Variants in NAALADL2 observed in about 807,000 individuals in gnomAD.
NAALADL2 encodes the protein inactive N-acetylated-alpha-linked acidic dipeptidase-like protein 2.
Under a neutral mutation model 87.2 loss-of-function variants are expected in NAALADL2, and 76 were observed. The ratio of observed to expected loss-of-function variants is 0.87; its 90% CI spans 0.72 to 1.05. The LOEUF (loss-of-function observed/expected upper bound fraction) is 1.05, where lower values mean the gene tolerates loss of function less well. Among genes scored for constraint, NAALADL2 ranks in the 50% least tolerant of loss-of-function variants. NAALADL2 has a pLI of 0.00. For missense variants in NAALADL2, 1,089 were observed against 945.8 expected (o/e 1.15, Z -1.99); for synonymous variants, 354 against 331.0 (o/e 1.07, Z -0.75).
chr3:174,612,263 G>T (rs772577703), intron 2 of NAALADL2, among the ~76,000 whole-genome samples: 1 of 151,904 alleles, frequency 6.6e-6, no homozygotes, highest in Non-Finnish European at 1.5e-5. Flanking sequence ...ATGTCTTGAG[G>T]TATTGTTCTT....
intron 1 of NAALADL2, among the ~76,000 whole-genome samples, chr3:174,912,008 C>G (rs982146395): frequency 6.6e-6 from 1 of 152,174 alleles, no homozygotes; most frequent in East Asian, 1.9e-4. Flanking sequence ...TGTTTATTTT[C>G]CCATTATAAC....
intron 2 of NAALADL2, among the ~76,000 whole-genome samples, chr3:174,713,359 G>C (rs1209544909): frequency 6.6e-6 from 1 of 152,152 alleles, no homozygotes; most frequent in Non-Finnish European, 1.5e-5. Flanking sequence ...TCTAGTTCTA[G>C]ATCCCTGAGG....
chr3:174,641,442 C>T (rs1312704205), intron 2 of NAALADL2, among the ~76,000 whole-genome samples: 3 of 152,212 alleles, frequency 2.0e-5, no homozygotes, highest in South Asian at 4.1e-4. Flanking sequence ...TGGTGAAAAT[C>T]GATGCAGAAT....
At chr3:174,971,156 A>G (rs1042351232) in intron 1 of NAALADL2, among the ~76,000 whole-genome samples, 5 of 152,162 alleles carry the variant, frequency 3.3e-5, no homozygotes, top group African/African-American at 1.2e-4. Context: ...ACTGGCCCCC[A>G]TAATTCAATT....
At chr3:175,081,582 T>C (rs1197184664) in intron 1 of NAALADL2, among the ~76,000 whole-genome samples, 1 of 152,162 alleles carries the variant, frequency 6.6e-6, no homozygotes, top group Non-Finnish European at 1.5e-5. Context: ...AATATGTACC[T>C]TTTTCTCCAT....
chr3:175,764,354 C>A (rs192234452), intron 13 of NAALADL2, among the ~76,000 whole-genome samples: 4 of 151,922 alleles, frequency 2.6e-5, no homozygotes, highest in Non-Finnish European at 5.9e-5. Flanking sequence ...GAGAGCACAG[C>A]CCATTTGTAA....
intron 1 of NAALADL2, among the ~76,000 whole-genome samples, chr3:174,929,556 A>G (rs1480434448): frequency 6.6e-6 from 1 of 152,190 alleles, no homozygotes; most frequent in African/African-American, 2.4e-5. Context: ...ATACAATACT[A>G]TAATTATATG....
chr3:174,880,838 A>G (rs993393694), intron 1 of NAALADL2, among the ~76,000 whole-genome samples: 5 of 152,158 alleles, frequency 3.3e-5, no homozygotes, highest in African/African-American at 1.2e-4. Flanking sequence ...TCTGAAACCA[A>G]GGTATTGATT....
chr3:174,569,774 T>C (rs1297490066), intron 2 of NAALADL2, among the ~76,000 whole-genome samples: 1 of 152,196 alleles, frequency 6.6e-6, no homozygotes, highest in Non-Finnish European at 1.5e-5. Context: ...ATGCTTTAAG[T>C]ATTCAAGGAT....
At chr3:175,042,143 G>C (rs1216879562) in intron 1 of NAALADL2, among the ~76,000 whole-genome samples, 2 of 152,002 alleles carry the variant, frequency 1.3e-5, no homozygotes, top group East Asian at 3.9e-4. Flanking sequence ...ACTTTTTTTA[G>C]ATTCCACATA....
chr3:174,856,829 A>G (rs1346124550), upstream of NAALADL2, among the ~76,000 whole-genome samples: 1 of 152,150 alleles, frequency 6.6e-6, no homozygotes, highest in Non-Finnish European at 1.5e-5. Context: ...AAGCTGTCAC[A>G]CCTCAGACTG....
intron 3 of NAALADL2, among the ~76,000 whole-genome samples, chr3:174,829,363 G>T (rs1303871317): frequency 2.7e-5 from 4 of 150,516 alleles, no homozygotes; most frequent in Non-Finnish European, 5.9e-5. Context: ...AGAATATGCG[G>T]TGTTTGTTTT....
At chr3:175,472,287 A>G (rs1439774842) in intron 9 of NAALADL2, among the ~76,000 whole-genome samples, 1 of 151,864 alleles carries the variant, frequency 6.6e-6, no homozygotes, top group Non-Finnish European at 1.5e-5. Context: ...GAAAAATCAT[A>G]TATTTTTTAT....
At chr3:175,181,753 ATG>A (rs1322026841) in intron 2 of NAALADL2, among the ~76,000 whole-genome samples, 7 of 119,910 alleles carry the variant, frequency 5.8e-5, no homozygotes, top group Admixed American at 8.8e-5. Context: ...ATGTATATAT[ATG>A]TGTGTATATA....
chr3:175,796,817 T>C (rs1414230509), intron 13 of NAALADL2, among the ~76,000 whole-genome samples: 1 of 152,234 alleles, frequency 6.6e-6, no homozygotes, highest in African/African-American at 2.4e-5. Flanking sequence ...GATGGCATCC[T>C]GTGCCCATTT....
intron 1 of NAALADL2, among the ~76,000 whole-genome samples, chr3:174,517,725 A>T (rs1373217541): frequency 6.6e-6 from 1 of 151,876 alleles, no homozygotes; most frequent in Non-Finnish European, 1.5e-5. Context: ...ACCTGTGATT[A>T]CTCCTACATT....
intron 11 of NAALADL2, among the ~76,000 whole-genome samples, chr3:175,726,967 A>C (rs1286135397): frequency 6.6e-6 from 1 of 152,144 alleles, no homozygotes; most frequent in Non-Finnish European, 1.5e-5. Flanking sequence ...GTTAGTACAT[A>C]CTTGCAAAAA....
intron 1 of NAALADL2, among the ~76,000 whole-genome samples, chr3:174,487,696 T>G (rs1329799378): frequency 9.3e-6 from 1 of 107,460 alleles, no homozygotes; most frequent in Non-Finnish European, 1.8e-5. Context: ...AGTAAGAGTG[T>G]TTTTTTTTTT....
At chr3:175,162,177 C>T (rs1733325295) in intron 2 of NAALADL2, among the ~76,000 whole-genome samples, 1 of 152,006 alleles carries the variant, frequency 6.6e-6, no homozygotes, top group African/African-American at 2.4e-5. Flanking sequence ...TAAATTTCTC[C>T]TTCTCTCTCT....
Sources: allele counts gnomAD v4.1 joint callset (sites outside exome capture counted in the v4.1 genomes callset), GRCh38; gene constraint gnomAD v4.1.1; transcripts MANE v1.5; gene names NCBI Gene and HGNC (gene_info 2026-07-23, HGNC 2026-07-21).